Variants in PTPRG observed in about 807,000 individuals in gnomAD.
PTPRG encodes receptor-type tyrosine-protein phosphatase gamma.
A neutral mutation model predicts 165.3 loss-of-function variants in PTPRG; 102 were observed. That is an observed-to-expected ratio of 0.62 (90% CI 0.53 to 0.73). The LOEUF is 0.73. PTPRG is among the 30% of genes least tolerant of loss of function. The pLI, the probability that PTPRG is intolerant of heterozygous loss-of-function variation, is 0.00. For synonymous variants in PTPRG, 675 were observed against 669.5 expected (o/e 1.01, Z -0.13); for missense variants, 1,866 against 1,861.4 (o/e 1.00, Z -0.05).
At chr3:62,125,391 A>G (rs935605649) in intron 5 of PTPRG, among the ~76,000 whole-genome samples, 1 of 152,176 alleles carries the variant, frequency 6.6e-6, no homozygotes, top group Non-Finnish European at 1.5e-5. Context: ...CCTTTTGTAA[A>G]TGGAGTGCCC....
chr3:62,219,116 G>A lies in PTPRG; in HGVS notation c.2288+133G>A, dbSNP rs961480084. On this transcript the variant is annotated intron_variant, in intron 13 of 29. Coordinates refer to ENST00000474889, the MANE Select transcript of PTPRG (RefSeq NM_002841.4). This position sits in a 1 kb window ranked among gnomAD's most constrained non-coding sequence, Gnocchi z 4.5. ...TTAAGTGTTTCTGGTCTTGCCACCC[G>A]GAAGGCCATCTTGTCTCTGTTAGAT... is the stretch of plus-strand genomic sequence containing the variant. 48 of 1,239,976 alleles carry A rather than the reference G, an allele frequency of 3.9e-5. No individual in the cohort carries two copies. The highest frequency in any genetic ancestry group is 6.1e-5 in the African/African-American group (4 of 65,922). 76.8% of individuals were successfully genotyped at this position (1,239,976 alleles called of 1,614,324 possible).
intron 7 of PTPRG, among the ~76,000 whole-genome samples, chr3:62,164,204 G>A (rs952722301): frequency 2.6e-5 from 4 of 152,140 alleles, no homozygotes; most frequent in South Asian, 2.1e-4. Flanking sequence ...ACTTTCTCAT[G>A]GTGGGCTTAT....
chr3:62,272,975 T>C lies in PTPRG; in HGVS notation c.3212T>C (p.Ile1071Thr), dbSNP rs767162414. The C allele has an allele frequency of 1.2e-6, 2 of 1,613,016 alleles. No homozygotes were observed. Among genetic ancestry groups the C allele is most frequent in the Non-Finnish European group, 1.7e-6 (2 of 1,179,460 alleles). Residue 1071 changes from isoleucine to threonine, a missense_variant, in exon 22 of 30, where the codon ATT (isoleucine) becomes ACT (threonine). By Grantham distance (89) the Ile-to-Thr change is moderately conservative. Coordinates refer to ENST00000474889, the MANE Select transcript of PTPRG (RefSeq NM_002841.4). The stretch of plus-strand genomic sequence containing the variant: ...GGTGTGGGCAGAACAGGCACCTATA[T>C]TGTAATAGACAGCATGCTGCAACAG... ...SAGVGRTGTY[I>T]VIDSMLQQIK...
At chr3:62,028,278 T>A (rs1392475008) in intron 4 of PTPRG, among the ~76,000 whole-genome samples, 1 of 152,156 alleles carries the variant, frequency 6.6e-6, no homozygotes, top group African/African-American at 2.4e-5. Flanking sequence ...TACATTACTC[T>A]GGAAAATATT....
At chr3:62,068,837 A>C (rs766445880) in intron 4 of PTPRG, among the ~76,000 whole-genome samples, 1 of 152,204 alleles carries the variant, frequency 6.6e-6, no homozygotes, top group Admixed American at 6.5e-5. Context: ...AAGTAGTTGA[A>C]GATAATTCCC....
intron 1 of PTPRG, among the ~76,000 whole-genome samples, chr3:61,692,643 C>T (rs1458862276): frequency 6.6e-6 from 1 of 152,020 alleles, no homozygotes. Context: ...GGGGGTTGTT[C>T]TCTGGCAGGC....
rs564761041 is a variant in PTPRG, at chr3:62,166,197, CTTTTTTTTTTTTTTTTTTTTT to C, written c.841-1758_841-1738del. 2.1e-3 allele frequency among the ~76,000 whole-genome samples: 111 copies of C among 53,944 alleles called. 1 individual carries two copies. Among genetic ancestry groups the C allele is most frequent in the African/African-American group, 7.5e-3 (101 of 13,394 alleles). 35.4% of individuals were successfully genotyped at this position (53,944 alleles called of 152,430 possible). ...TGGCTGCATATTTCAAATTACAGTTCTTTTTTTTTTTTTTTTTTTTTTTTTTTTTTTTTTTTGGTGACAAGA... is the reference window on the plus strand; with the variant it reads ...TGGCTGCATATTTCAAATTACAGTTCTTTTTTTTTTTTTTTGGTGACAAGA... On this transcript the variant is annotated intron_variant, in intron 7 of 29. Coordinates refer to ENST00000474889, the MANE Select transcript of PTPRG (RefSeq NM_002841.4).
intron 1 of PTPRG, among the ~76,000 whole-genome samples, chr3:61,648,800 A>G (rs1702273247): frequency 6.6e-6 from 1 of 152,234 alleles, no homozygotes; most frequent in Admixed American, 6.5e-5. Flanking sequence ...TGCTCCGTGT[A>G]TATTTCAAAC....
chr3:61,909,650 TGCTGG>T (rs2038751686), intron 2 of PTPRG, among the ~76,000 whole-genome samples: 1 of 150,828 alleles, frequency 6.6e-6, no homozygotes, highest in African/African-American at 2.5e-5. Context: ...CCTCCCAAAA[TGCTGG>T]GTTTACAGTT....
rs558882213 is a variant in PTPRG, at chr3:61,785,300, A to G, written c.190+36318A>G. Among the ~76,000 whole-genome samples, 9 of 152,348 alleles carry G rather than the reference A, an allele frequency of 5.9e-5. No individual in the cohort carries two copies. The East Asian group carries it at 1.3e-3, about 23-fold the overall frequency. The stretch of plus-strand genomic sequence containing the variant: ...ATTTGTTTATACAAATGTAAAATGA[A>G]ACGTGCAATTTAGCACCTATCTAGA... On this transcript the variant is annotated intron_variant, in intron 2 of 29. Coordinates refer to ENST00000474889, the MANE Select transcript of PTPRG (RefSeq NM_002841.4).
intron 2 of PTPRG, among the ~76,000 whole-genome samples, chr3:61,894,266 C>G (rs927168818): frequency 8.1e-6 from 1 of 123,806 alleles, no homozygotes; most frequent in Admixed American, 1.0e-4. Context: ...TGTGCCACTT[C>G]ACTCCAGCCC....
intron 3 of PTPRG, among the ~76,000 whole-genome samples, chr3:61,993,056 C>T (rs781147827): frequency 4.6e-5 from 7 of 151,936 alleles, no homozygotes; most frequent in Non-Finnish European, 8.8e-5. Flanking sequence ...TTGTCTGGAA[C>T]ATATAAATTC....
rs1491152030 is a variant in PTPRG at position 62,135,285 on chromosome 3, AAG to A, written c.682+2619_682+2620del. The stretch of plus-strand genomic sequence containing the variant: ...GATTCTGTCTCAAAAAAAAAAAAAA[AAG>A]AAATAAAAATAAAAAAGCTTTTGTT... On this transcript the variant is annotated intron_variant, in intron 6 of 29. Coordinates refer to ENST00000474889, the MANE Select transcript of PTPRG (RefSeq NM_002841.4). Among the ~76,000 whole-genome samples, 19 of 151,764 alleles carry A rather than the reference AAG, an allele frequency of 1.3e-4. No homozygotes were observed. The East Asian group carries it at 3.5e-3, about 28-fold the overall frequency.
intron 13 of PTPRG, among the ~76,000 whole-genome samples, chr3:62,220,074 G>A (rs1342323228): frequency 2.6e-5 from 4 of 152,194 alleles, no homozygotes; most frequent in South Asian, 2.1e-4. Flanking sequence ...TCCAAGTAGA[G>A]GAAACAGCAC....
chr3:61,783,093 A>G (rs906945003), intron 2 of PTPRG, among the ~76,000 whole-genome samples: 1 of 152,236 alleles, frequency 6.6e-6, no homozygotes, highest in African/African-American at 2.4e-5. Flanking sequence ...GGCATGAGCC[A>G]GCACACCCAG....
At chr3:61,785,461 G>A (rs2034666699) in intron 2 of PTPRG, among the ~76,000 whole-genome samples, 1 of 152,060 alleles carries the variant, frequency 6.6e-6, no homozygotes, top group Non-Finnish European at 1.5e-5. Context: ...GATAATTCAG[G>A]CTAATTAAAG....
At chr3:61,749,287 T>G in intron 2 of PTPRG, 1 of 415,004 alleles carries the variant, frequency 2.4e-6, no homozygotes, top group East Asian at 5.7e-5. Flanking sequence ...TCTTTTCTGT[T>G]TTTTCAGGGG....
chr3:61,767,393 A>G (rs576567777), intron 2 of PTPRG, among the ~76,000 whole-genome samples: 1 of 152,030 alleles, frequency 6.6e-6, no homozygotes, highest in Non-Finnish European at 1.5e-5. Flanking sequence ...AGTTTTTTCT[A>G]ATTTTCCCCA....
At chr3:61,818,953 C>A (rs2035875106) in intron 2 of PTPRG, among the ~76,000 whole-genome samples, 1 of 151,884 alleles carries the variant, frequency 6.6e-6, no homozygotes, top group Admixed American at 6.6e-5. Context: ...ATGTTCCTTA[C>A]TAAATCTTCT....
Sources: allele counts gnomAD v4.1 joint callset (sites outside exome capture counted in the v4.1 genomes callset), GRCh38; gene constraint gnomAD v4.1.1; non-coding constraint Gnocchi (gnomAD v3.1); transcripts MANE v1.5; gene names NCBI Gene and HGNC (gene_info 2026-07-23, HGNC 2026-07-21).